SGCD: variants seen among roughly 807,000 people sequenced by gnomAD.
The protein encoded by SGCD is sarcoglycan delta, also known as delta-sarcoglycan.
Under a neutral mutation model 36.6 loss-of-function variants are expected in SGCD, and 18 were observed. The observed-to-expected ratio is 0.49, with a 90% CI of 0.34 to 0.73. The LOEUF (loss-of-function observed/expected upper bound fraction) is 0.73, where lower values mean the gene tolerates loss of function less well. Among genes scored for constraint, SGCD ranks in the 30% least tolerant of loss-of-function variants. The pLI, the probability that SGCD is intolerant of heterozygous loss-of-function variation, is 0.01. For synonymous variants in SGCD, 133 were observed against 130.6 expected (o/e 1.02, Z -0.12); for missense variants, 387 against 346.7 (o/e 1.12, Z -0.92).
chr5:155,737,473 A>G, the SGCD span, among the ~76,000 whole-genome samples: 1 of 152,258 alleles, frequency 6.6e-6, no homozygotes, highest in Non-Finnish European at 1.5e-5. Context: ...GATACTTTCC[A>G]TTCTATTCCC....
chr5:156,675,218 C>T (rs1753460702), intron 7 of SGCD, among the ~76,000 whole-genome samples: 1 of 152,154 alleles, frequency 6.6e-6, no homozygotes, highest in Non-Finnish European at 1.5e-5. Flanking sequence ...GCACCAACCT[C>T]AGAACAAATT....
chr5:156,694,685 C>T (rs564772797), intron 7 of SGCD, among the ~76,000 whole-genome samples: 1 of 152,178 alleles, frequency 6.6e-6, no homozygotes, highest in East Asian at 1.9e-4. Flanking sequence ...CATCATTCTC[C>T]AAGACCTAAA....
chr5:155,841,666 G>T, the SGCD span, among the ~76,000 whole-genome samples: 3 of 151,992 alleles, frequency 2.0e-5, no homozygotes, highest in Non-Finnish European at 4.4e-5. Flanking sequence ...TTTCTAGTAT[G>T]CCATTTCTGA....
At chr5:155,810,297 A>G in the SGCD span, among the ~76,000 whole-genome samples, 3 of 152,122 alleles carry the variant, frequency 2.0e-5, no homozygotes, top group Non-Finnish European at 2.9e-5. Flanking sequence ...TCTTGTCTTT[A>G]CTGATGTTCA....
chr5:156,698,031 G>A (rs928287303), intron 7 of SGCD, among the ~76,000 whole-genome samples: 8 of 152,126 alleles, frequency 5.3e-5, no homozygotes, highest in Non-Finnish European at 7.3e-5. Flanking sequence ...TTTTCTCTGG[G>A]CATAGTGGCT....
chr5:155,750,147 C>A, the SGCD span, among the ~76,000 whole-genome samples: 1 of 152,162 alleles, frequency 6.6e-6, no homozygotes, highest in Admixed American at 6.5e-5. Flanking sequence ...AGGAGCCTAA[C>A]AAGCAAGTTA....
At position 156,320,095 on chromosome 5, in the gene SGCD, A is replaced by ATG. The variant is rs1491543235; in HGVS notation, c.-43-9438_-43-9437insGT. ...AATTATTTGTCTTTGACAGCCTTTG[A>ATG]TATGTGTGTGTGTGTGTGTGTGTGT... On this transcript the variant is annotated intron_variant, in intron 3 of 9. Transcript: ENST00000517913. Among the ~76,000 whole-genome samples the ATG allele has an allele frequency of 8.6e-3, 880 of 102,488 alleles. 8 individuals are homozygous for ATG. The highest frequency in any genetic ancestry group is 0.029 in the African/African-American group (679 of 23,364). The allele number at this position is 102,488 out of a possible 152,430, so 67.2% of individuals were successfully genotyped here. A position where few individuals can be genotyped will look rare whatever the true frequency, so the allele number is the denominator to read the frequency against.
intron 6 of SGCD, among the ~76,000 whole-genome samples, chr5:156,595,445 G>T (rs774545530): frequency 3.3e-5 from 5 of 152,176 alleles, no homozygotes; most frequent in Non-Finnish European, 5.9e-5. Flanking sequence ...ATGGTACTTT[G>T]TTACAGCAGC....
chr5:155,757,601 C>A, the SGCD span, among the ~76,000 whole-genome samples: 1 of 152,176 alleles, frequency 6.6e-6, no homozygotes, highest in Non-Finnish European at 1.5e-5. Context: ...CTGTACTCTC[C>A]TGTCATACCT....
intron 3 of SGCD, among the ~76,000 whole-genome samples, chr5:156,251,190 C>T (rs866486376): frequency 5.9e-5 from 9 of 152,208 alleles, no homozygotes; most frequent in South Asian, 2.1e-4. Context: ...TTTACTTGTA[C>T]GTTTTAGGCA....
At chr5:156,437,833 G>T (rs1384317632) in intron 3 of SGCD, among the ~76,000 whole-genome samples, 5 of 152,160 alleles carry the variant, frequency 3.3e-5, no homozygotes, top group Non-Finnish European at 5.9e-5. Context: ...TTTTGGAAAT[G>T]ATAGCCAAGT....
At chr5:155,928,666 C>CAAAAAAAAA (rs58548934) in intron 1 of SGCD, among the ~76,000 whole-genome samples, 2 of 68,214 alleles carry the variant, frequency 2.9e-5, no homozygotes, top group East Asian at 4.5e-4. Context: ...GACTCTGTCT[C>CAAAAAAAAA]AAAAAAAAAA....
chr5:156,101,717 T>C (rs1459999932), intron 1 of SGCD, among the ~76,000 whole-genome samples: 1 of 152,208 alleles, frequency 6.6e-6, no homozygotes, highest in Non-Finnish European at 1.5e-5. Context: ...ACACTGTAGC[T>C]TCTGGCTGTA....
chr5:155,875,364 A>G (rs574090016), intron 1 of SGCD, among the ~76,000 whole-genome samples: 3 of 152,256 alleles, frequency 2.0e-5, no homozygotes, highest in East Asian at 1.9e-4. Flanking sequence ...TTCTAAAACT[A>G]TACTTGTTAA....
chr5:155,863,057 A>T, the SGCD span, among the ~76,000 whole-genome samples: 1 of 152,218 alleles, frequency 6.6e-6, no homozygotes, highest in Non-Finnish European at 1.5e-5. Flanking sequence ...AGAAACAGAA[A>T]GATAGATATC....
intron 3 of SGCD, among the ~76,000 whole-genome samples, chr5:156,275,075 A>ACCC (rs1766282020): frequency 1.3e-5 from 2 of 152,170 alleles, no homozygotes; most frequent in Non-Finnish European, 2.9e-5. Context: ...CTAATTTAAA[A>ACCC]ATGTATAACT....
chr5:155,977,038 G>T (rs1758129564), intron 1 of SGCD, among the ~76,000 whole-genome samples: 1 of 152,138 alleles, frequency 6.6e-6, no homozygotes, highest in African/African-American at 2.4e-5. Context: ...TAAAATTCAG[G>T]CGTGATCTTG....
chr5:156,492,869 C>T (rs986696222), intron 3 of SGCD, among the ~76,000 whole-genome samples: 11 of 152,194 alleles, frequency 7.2e-5, no homozygotes, highest in Non-Finnish European at 1.3e-4. Flanking sequence ...CAGCTTCATC[C>T]GTGTCCCTGG....
chr5:156,309,286 G>C (rs887504430), intron 3 of SGCD, among the ~76,000 whole-genome samples: 1 of 152,020 alleles, frequency 6.6e-6, no homozygotes, highest in Non-Finnish European at 1.5e-5. Context: ...TTATCTGCTT[G>C]AAGATGTCCC....
Sources: gnomAD v4.1 joint callset for allele counts (sites outside exome capture counted in the v4.1 genomes callset) on GRCh38, gnomAD v4.1.1 for gene constraint, MANE v1.5 for transcripts, NCBI Gene and HGNC (gene_info 2026-07-23, HGNC 2026-07-21) for gene names.